The following SRPK2 variants were observed in gnomAD, a reference collection of about 807,000 sequenced individuals.
SRPK2 encodes the protein SRSF protein kinase 2, also known as SFRS protein kinase 2.
In SRPK2, 21 loss-of-function variants were observed where a neutral mutation model predicts 90.8. That is an observed-to-expected ratio of 0.23 (90% CI 0.16 to 0.33). The LOEUF (loss-of-function observed/expected upper bound fraction) is 0.33. SRPK2 is among the 10% of genes least tolerant of loss of function. The pLI is 1.00. For synonymous variants in SRPK2, 288 were observed against 311.1 expected, an observed-to-expected ratio of 0.93 and a Z score of 0.78; for missense variants, 620 against 869.0, an observed-to-expected ratio of 0.71 and a Z score of 3.60.
chr7:105,357,075 G>A (rs528499316), intron 2 of SRPK2, among the ~76,000 whole-genome samples: 4 of 148,020 alleles, frequency 2.7e-5, no homozygotes, highest in South Asian at 2.1e-4. Context: ...TCGCTCTGTC[G>A]CCCAGGCTGG....
intron 2 of SRPK2, among the ~76,000 whole-genome samples, chr7:105,324,415 C>G (rs1362423776): frequency 6.6e-6 from 1 of 152,004 alleles, no homozygotes; most frequent in Non-Finnish European, 1.5e-5. Flanking sequence ...CTCTGCCTCC[C>G]AAGTTCAAAC....
intron 13 of SRPK2, among the ~76,000 whole-genome samples, chr7:105,130,764 G>C (rs181801631): frequency 7.9e-5 from 12 of 151,738 alleles, no homozygotes; most frequent in South Asian, 6.3e-4. Flanking sequence ...ATGACTTTTG[G>C]GGGGTGGGGC....
intron 13 of SRPK2, among the ~76,000 whole-genome samples, chr7:105,131,334 T>C (rs1289274603): frequency 1.3e-5 from 2 of 152,086 alleles, no homozygotes; most frequent in African/African-American, 4.8e-5. Flanking sequence ...CCTGCTGGGG[T>C]CACACAGAGA....
intron 2 of SRPK2, among the ~76,000 whole-genome samples, chr7:105,213,378 G>T (rs1179811101): frequency 6.6e-6 from 1 of 152,136 alleles, no homozygotes. Flanking sequence ...TGAAGCAAAG[G>T]TGATTGAAAC....
At chr7:105,204,581 C>CTGAA (rs2129610436) in intron 2 of SRPK2, 2 of 498,410 alleles carry the variant, frequency 4.0e-6, no homozygotes, top group African/African-American at 1.9e-5. Flanking sequence ...AAAACTACCA[C>CTGAA]TGAATGCGTG....
At chr7:105,124,422 CCTTAGGT>C (rs1231188129) in intron 15 of SRPK2, among the ~76,000 whole-genome samples, 7 of 152,144 alleles carry the variant, frequency 4.6e-5, no homozygotes, top group Middle Eastern at 3.4e-3. Flanking sequence ...GGGTGGATCA[CCTTAGGT>C]CAGGAGTTCG....
At chr7:105,248,131 G>T (rs988240023) in intron 2 of SRPK2, among the ~76,000 whole-genome samples, 3 of 152,134 alleles carry the variant, frequency 2.0e-5, no homozygotes, top group Admixed American at 6.5e-5. Flanking sequence ...GGGATTACAG[G>T]CGTGAGCCAC....
chr7:105,201,716 G>C lies in SRPK2; in HGVS notation c.229+1912C>G, dbSNP rs915057334. ...AACTGCTCAGGAGGCTGAGGTGGGAGGACTGCTCAAGCCCAAGACTCAGGA... is the reference window on the plus strand; with the variant it reads ...AACTGCTCAGGAGGCTGAGGTGGGACGACTGCTCAAGCCCAAGACTCAGGA... On this transcript the variant is annotated intron_variant, in intron 3 of 15. Transcript: ENST00000393651. Among the ~76,000 whole-genome samples the C allele has an allele frequency of 5.9e-5, 9 of 152,142 alleles. No individual in the cohort carries two copies. In the East Asian group the frequency reaches 1.2e-3, roughly 20 times the overall value.
chr7:105,252,209 C>A (rs1429204277), intron 2 of SRPK2, among the ~76,000 whole-genome samples: 1 of 152,070 alleles, frequency 6.6e-6, no homozygotes, highest in African/African-American at 2.4e-5. Context: ...TAACTGAGTG[C>A]AGTTTCCTTT....
intron 2 of SRPK2, chr7:105,204,943 G>A (rs1796010133): frequency 6.0e-6 from 2 of 334,664 alleles, no homozygotes; most frequent in South Asian, 5.4e-5. Context: ...GTGGAAGGCC[G>A]ATTCTGGATC....
At chr7:105,144,993 C>T (rs1478306958) in intron 9 of SRPK2, among the ~76,000 whole-genome samples, 1 of 151,618 alleles carries the variant, frequency 6.6e-6, no homozygotes, top group Non-Finnish European at 1.5e-5. Context: ...GTAATCCCAG[C>T]TACTCGGGAG....
At chr7:105,304,615 A>G (rs990582906) in intron 2 of SRPK2, among the ~76,000 whole-genome samples, 2 of 152,228 alleles carry the variant, frequency 1.3e-5, no homozygotes, top group African/African-American at 4.8e-5. Flanking sequence ...TGTCTTGCCC[A>G]AAGACTTGCC....
chr7:105,197,089 G>C (rs942962956), intron 3 of SRPK2, among the ~76,000 whole-genome samples: 5 of 151,948 alleles, frequency 3.3e-5, no homozygotes, highest in African/African-American at 1.2e-4. Flanking sequence ...TAGACTCGGA[G>C]GGTTGGGGGG....
intron 2 of SRPK2, among the ~76,000 whole-genome samples, chr7:105,277,954 A>C (rs1309324717): frequency 2.0e-5 from 3 of 152,232 alleles, no homozygotes; most frequent in Non-Finnish European, 4.4e-5. Flanking sequence ...ATAGAGGAGC[A>C]GGTTATGAGG....
chr7:105,323,965 CTTTGTGTG>C lies in SRPK2; in HGVS notation c.71+64675_71+64682del, dbSNP rs1474424918. Among the ~76,000 whole-genome samples the C allele has an allele frequency of 8.3e-4, 92 of 110,470 alleles. 1 individual carries two copies. Among genetic ancestry groups the C allele is most frequent in the African/African-American group, 3.3e-3 (90 of 27,620 alleles). The allele number at this position is 110,470 out of a possible 152,430, so 72.5% of individuals were successfully genotyped here. ...TTAAAAAGACTTTGGTCAGACTATTCTTTGTGTGTGTGTGTGTGTGTGTGTGTGTGTGT... is the reference window on the plus strand; with the variant it reads ...TTAAAAAGACTTTGGTCAGACTATTCTGTGTGTGTGTGTGTGTGTGTGTGT... On this transcript the variant is annotated intron_variant, in intron 2 of 15. Transcript: ENST00000393651.
intron 11 of SRPK2, among the ~76,000 whole-genome samples, chr7:105,141,109 A>G (rs969313157): frequency 6.6e-6 from 1 of 152,224 alleles, no homozygotes; most frequent in African/African-American, 2.4e-5. Flanking sequence ...GGAAAGGGGA[A>G]CAGGAGCTGA....
chr7:105,272,495 A>G lies in SRPK2; in HGVS notation c.72-68710T>C, dbSNP rs75948746. On this transcript the variant is annotated intron_variant, in intron 2 of 15. Coordinates refer to ENST00000393651, the MANE Select transcript of SRPK2 (RefSeq NM_182692.3). ...CTGCTAAATAACATTATAGGAGGAC[A>G]TAAGTTTTTGTGGCTTTTTTTTAAT... is the stretch of plus-strand genomic sequence containing the variant. Among the ~76,000 whole-genome samples, 419 of 152,252 alleles carry G rather than the reference A, an allele frequency of 2.8e-3. 2 individuals carry two copies. Among genetic ancestry groups the G allele is most frequent in the African/African-American group, 9.4e-3 (390 of 41,554 alleles).
At chr7:105,302,737 A>G (rs1810698482) in intron 2 of SRPK2, among the ~76,000 whole-genome samples, 1 of 152,170 alleles carries the variant, frequency 6.6e-6, no homozygotes, top group Admixed American at 6.5e-5. Flanking sequence ...TAGGTGGAAC[A>G]GGAGAATATA....
In SRPK2 at chr7:105,143,248, T is replaced by C. The variant is rs769076710; in HGVS notation, c.896A>G (p.Gln299Arg). 5 of 1,614,098 alleles carry C rather than the reference T, an allele frequency of 3.1e-6. No individual in the cohort carries two copies. The South Asian group carries it at 3.3e-5, about 11-fold the overall frequency. Residue 299 changes from glutamine to arginine, a missense_variant, in exon 10 of 16, where the codon CAG becomes CGG. This residue lies in a region of SRPK2 where 196 missense variants were observed against 339.2 expected (regional missense o/e 0.58). Coordinates refer to ENST00000393651, the MANE Select transcript of SRPK2 (RefSeq NM_182692.3). ...TTCTCGCTCCAATTCTTCTATCTCC[T>C]GCAGGCGCTTCTCCAATAACTCAGC... ...RQAELLEKRL[Q>R]EIEELEREAE...
Sources: gnomAD v4.1 joint callset for allele counts (sites outside exome capture counted in the v4.1 genomes callset) on GRCh38, gnomAD v4.1.1 for gene constraint, gnomAD v4.1.1 regional missense constraint, MANE v1.5 for transcripts, NCBI Gene and HGNC (gene_info 2026-07-23, HGNC 2026-07-21) for gene names.